The following TENM3 variants were observed in gnomAD, a reference collection of about 807,000 sequenced individuals.
TENM3 encodes teneurin transmembrane protein 3, also known as teneurin-3.
Under a neutral mutation model 255.1 loss-of-function variants are expected in TENM3, and 63 were observed. That is an observed-to-expected ratio of 0.25 (90% CI 0.20 to 0.30). TENM3 has a LOEUF of 0.30. Among genes scored for constraint, TENM3 ranks in the 10% least tolerant of loss-of-function variants. The pLI is 1.00. For synonymous variants in TENM3, 1,306 were observed against 1,322.3 expected, an observed-to-expected ratio of 0.99 and a Z score of 0.27; for missense variants, 2,929 against 3,461.1, an observed-to-expected ratio of 0.85 and a Z score of 3.86.
At chr4:181,877,892 C>T in the TENM3 span, among the ~76,000 whole-genome samples, 1 of 152,264 alleles carries the variant, frequency 6.6e-6, no homozygotes, top group Non-Finnish European at 1.5e-5. Flanking sequence ...ATATGGATTG[C>T]CCAGACTAAG....
chr4:181,944,852 A>C, the TENM3 span, among the ~76,000 whole-genome samples: 1 of 152,020 alleles, frequency 6.6e-6, no homozygotes, highest in African/African-American at 2.4e-5. Context: ...GCACCTGTGT[A>C]CAAACGCCAG....
At chr4:182,686,863 T>G (rs527708382) in intron 11 of TENM3, among the ~76,000 whole-genome samples, 8 of 152,274 alleles carry the variant, frequency 5.3e-5, no homozygotes, top group Non-Finnish European at 1.0e-4. Flanking sequence ...GTTGATGTTA[T>G]GTTGCTCTGA....
At chr4:181,618,426 G>A in the TENM3 span, among the ~76,000 whole-genome samples, 2 of 152,216 alleles carry the variant, frequency 1.3e-5, no homozygotes, top group African/African-American at 4.8e-5. Flanking sequence ...AAGGGTATTA[G>A]CTTATCAGCT....
chr4:182,796,525 T>C (rs931124481), intron 26 of TENM3, 112 bp from the exon 27 acceptor site: 3 of 1,073,192 alleles, frequency 2.8e-6, no homozygotes, highest in Non-Finnish European at 3.9e-6. Flanking sequence ...ACAGGTGCTC[T>C]TTTTCAGATT....
At chr4:182,296,809 C>A (rs1027683649) in intron 1 of TENM3, among the ~76,000 whole-genome samples, 2 of 152,078 alleles carry the variant, frequency 1.3e-5, no homozygotes, top group African/African-American at 2.4e-5. Context: ...AAACAAAGAT[C>A]TGATTTTTTA....
chr4:181,764,113 A>G, the TENM3 span, among the ~76,000 whole-genome samples: 1 of 152,156 alleles, frequency 6.6e-6, no homozygotes, highest in East Asian at 1.9e-4. Context: ...CCTCTAAAAG[A>G]AAGATTTTTC....
chr4:181,872,061 T>C, the TENM3 span, among the ~76,000 whole-genome samples: 1 of 152,216 alleles, frequency 6.6e-6, no homozygotes, highest in East Asian at 1.9e-4. Flanking sequence ...CAAGACACTG[T>C]TGGCCTCATT....
intron 3 of TENM3, among the ~76,000 whole-genome samples, chr4:182,555,725 T>C (rs538089742): frequency 7.2e-5 from 11 of 152,328 alleles, no homozygotes; most frequent in African/African-American, 2.6e-4. Flanking sequence ...CCCTTCAAAA[T>C]GCAATAATGT....
chr4:182,311,557 A>G (rs925289203), intron 1 of TENM3, among the ~76,000 whole-genome samples: 3 of 152,222 alleles, frequency 2.0e-5, no homozygotes, highest in Admixed American at 6.5e-5. Context: ...TTCTGACTCT[A>G]TGACCTTGGA....
chr4:181,478,685 A>G, the TENM3 span, among the ~76,000 whole-genome samples: 3 of 152,216 alleles, frequency 2.0e-5, no homozygotes, highest in Non-Finnish European at 2.9e-5. Context: ...TAAGTATATC[A>G]AGAGATTTAA....
At chr4:182,716,180 C>T (rs755081776) in intron 13 of TENM3, among the ~76,000 whole-genome samples, 1 of 152,116 alleles carries the variant, frequency 6.6e-6, no homozygotes, top group South Asian at 2.1e-4. Context: ...TCTCTTTCTC[C>T]TTGATCATAT....
chr4:181,759,360 G>A, the TENM3 span, among the ~76,000 whole-genome samples: 2 of 151,948 alleles, frequency 1.3e-5, no homozygotes, highest in East Asian at 1.9e-4. Flanking sequence ...CTTGTAAAAA[G>A]CACATCTAAA....
At chr4:181,681,770 T>C in the TENM3 span, among the ~76,000 whole-genome samples, 1 of 152,050 alleles carries the variant, frequency 6.6e-6, no homozygotes, top group Admixed American at 6.6e-5. Context: ...CCAGTAGGGA[T>C]AAAACAAGAT....
At chr4:182,214,037 T>C (rs548582973) in intron 1 of TENM3, among the ~76,000 whole-genome samples, 4 of 152,252 alleles carry the variant, frequency 2.6e-5, no homozygotes, top group South Asian at 4.1e-4. Flanking sequence ...CTCTTGACCT[T>C]GTGATCCCCC....
At chr4:181,919,511 G>A in the TENM3 span, among the ~76,000 whole-genome samples, 149 of 152,128 alleles carry the variant, frequency 9.8e-4, no homozygotes, top group African/African-American at 3.5e-3. Flanking sequence ...TTACCTGAGA[G>A]TAATCTTGAA....
chr4:182,609,365 A>G (rs888091647), intron 4 of TENM3, among the ~76,000 whole-genome samples: 14 of 151,994 alleles, frequency 9.2e-5, no homozygotes, highest in African/African-American at 3.1e-4. Flanking sequence ...GCATTCCTTT[A>G]TTTTTTCCTG....
intron 2 of TENM3, among the ~76,000 whole-genome samples, chr4:182,335,448 T>A (rs1180189008): frequency 8.3e-6 from 1 of 120,426 alleles, no homozygotes; most frequent in Non-Finnish European, 1.7e-5. Context: ...TGAGCCGAGA[T>A]CGCGCCACCG....
the TENM3 span, among the ~76,000 whole-genome samples, chr4:181,924,982 A>G: frequency 2.0e-5 from 3 of 152,240 alleles, no homozygotes; most frequent in African/African-American, 4.8e-5. Flanking sequence ...GAGGATGAAT[A>G]GCCTTATTGG....
chr4:182,410,085 C>G (rs577292399), intron 3 of TENM3, among the ~76,000 whole-genome samples: 1 of 152,294 alleles, frequency 6.6e-6, no homozygotes, highest in African/African-American at 2.4e-5. Flanking sequence ...CCTTGGGCTC[C>G]CAAAGTGCTG....
Sources: gnomAD v4.1 joint callset for allele counts (sites outside exome capture counted in the v4.1 genomes callset) on GRCh38, gnomAD v4.1.1 for gene constraint, MANE v1.5 for transcripts, NCBI Gene and HGNC (gene_info 2026-07-23, HGNC 2026-07-21) for gene names.